Variants in AXIN2 observed in about 807,000 individuals in gnomAD.
AXIN2 encodes the protein axin 2.
Under a neutral mutation model 74.7 loss-of-function variants are expected in AXIN2, and 21 were observed. The observed-to-expected ratio is 0.28, with a 90% CI of 0.20 to 0.40. The LOEUF (loss-of-function observed/expected upper bound fraction) is 0.40, where lower values mean the gene tolerates loss of function less well. AXIN2 is among the 10% of genes least tolerant of loss of function. AXIN2 has a pLI of 1.00. For synonymous variants in AXIN2, 532 were observed against 454.9 expected (o/e 1.17, Z -2.16); for missense variants, 1,144 against 1,111.1 (o/e 1.03, Z -0.42).
intron 9 of AXIN2, 63 bp downstream of exon 9, chr17:65,535,563 A>C: frequency 7.4e-6 from 11 of 1,492,636 alleles, no homozygotes; most frequent in Non-Finnish European, 9.3e-6. Context: ...AACTCCAGAT[A>C]GCGAATATTC....
At chr17:65,559,111 T>TCCCTTCCCC (rs371278461) in intron 1 of AXIN2, among the ~76,000 whole-genome samples, 2 of 151,236 alleles carry the variant, frequency 1.3e-5, no homozygotes, top group East Asian at 3.9e-4. Context: ...TCGCCTTCCC[T>TCCCTTCCCC]CCCTTCCCCT....
At chr17:65,531,428 G>T (rs1371084903) in intron 10 of AXIN2, among the ~76,000 whole-genome samples, 1 of 151,966 alleles carries the variant, frequency 6.6e-6, no homozygotes, top group Non-Finnish European at 1.5e-5. Flanking sequence ...AATTCTCGGG[G>T]GAGCGTGAGA....
At chr17:65,555,334 G>A (rs949925760) in intron 2 of AXIN2, among the ~76,000 whole-genome samples, 2 of 152,168 alleles carry the variant, frequency 1.3e-5, no homozygotes, top group African/African-American at 2.4e-5. Context: ...GTGAGTGTGC[G>A]GGAGAGGGAA....
chr17:65,544,380 C>T (rs2044087744), intron 3 of AXIN2, among the ~76,000 whole-genome samples: 1 of 129,812 alleles, frequency 7.7e-6, no homozygotes. Context: ...CGCCCCCCAT[C>T]CCCCACCACC....
chr17:65,546,554 G>A (rs2044122051), intron 3 of AXIN2, among the ~76,000 whole-genome samples: 1 of 152,174 alleles, frequency 6.6e-6, no homozygotes, highest in Non-Finnish European at 1.5e-5. Context: ...CAAGTCTGGA[G>A]ACCCTTCTGA....
At chr17:65,534,903 C>G (rs2043882254) in intron 9 of AXIN2, among the ~76,000 whole-genome samples, 1 of 152,076 alleles carries the variant, frequency 6.6e-6, no homozygotes, top group Non-Finnish European at 1.5e-5. Flanking sequence ...GCACTCCAGC[C>G]TGGGCAACAG....
chr17:65,538,065 C>A, intron 5 of AXIN2, 138 bp downstream of exon 5: 1 of 1,492,774 alleles, frequency 6.7e-7, no homozygotes, highest in East Asian at 2.4e-5. Context: ...CCCAGGCACA[C>A]ACCCACACGC....
chr17:65,530,210 G>A lies in AXIN2; in HGVS notation c.2406-108C>T, dbSNP rs953336659. ...TGAGGTATCCTAGGAATTTGCTATGGCAGGTGTGCCTGTACACTGTTGCGC... is the reference window on the plus strand; with the variant it reads ...TGAGGTATCCTAGGAATTTGCTATGACAGGTGTGCCTGTACACTGTTGCGC... On this transcript the variant is annotated intron_variant, in intron 10 of 10. Coordinates refer to ENST00000307078, the MANE Select transcript of AXIN2 (RefSeq NM_004655.4). The A allele has an allele frequency of 2.7e-6, 4 of 1,473,096 alleles. No individual in the cohort carries two copies. The African/African-American group carries it at 5.5e-5, about 20-fold the overall frequency. The allele number at this position is 1,473,096 out of a possible 1,614,324, so 91.3% of individuals were successfully genotyped here.
chr17:65,539,989 C>T (rs771142139), intron 4 of AXIN2, among the ~76,000 whole-genome samples: 6 of 152,214 alleles, frequency 3.9e-5, no homozygotes, highest in Non-Finnish European at 5.9e-5. Context: ...CCATCTCAGT[C>T]ACAGGAAGAA....
rs566290900 is a variant in AXIN2, at chr17:65,538,084, C to A, written c.1200+119G>T. The A allele has an allele frequency of 4.5e-6, 7 of 1,551,932 alleles. No individual in the cohort carries two copies. In the East Asian group the frequency reaches 1.6e-4, roughly 36 times the overall value. On this transcript the variant is annotated intron_variant, in intron 5 of 10. Coordinates refer to ENST00000307078, the MANE Select transcript of AXIN2 (RefSeq NM_004655.4). ...GGCACACACCCACACGCAGCCCACG[C>A]GCATGCGCATGCAACCCACGCACAT...
chr17:65,550,873 G>A (rs558635203), intron 2 of AXIN2, among the ~76,000 whole-genome samples: 78 of 152,260 alleles, frequency 5.1e-4, no homozygotes, highest in Admixed American at 7.2e-4. Context: ...TACTGTGGGG[G>A]TGTCATGAGG....
intron 4 of AXIN2, among the ~76,000 whole-genome samples, chr17:65,538,852 T>C (rs1394835334): frequency 6.6e-6 from 1 of 152,074 alleles, no homozygotes; most frequent in African/African-American, 2.4e-5. Context: ...TCAAACGGCC[T>C]GGATCAGAGA....
chr17:65,533,494 T>C (rs1443164663), intron 10 of AXIN2, among the ~76,000 whole-genome samples: 1 of 152,166 alleles, frequency 6.6e-6, no homozygotes, highest in Non-Finnish European at 1.5e-5. Context: ...AGGGCGGCGC[T>C]TCCAGACCCT....
At chr17:65,555,563 T>C (rs999591362) in intron 2 of AXIN2, among the ~76,000 whole-genome samples, 1 of 152,178 alleles carries the variant, frequency 6.6e-6, no homozygotes, top group African/African-American at 2.4e-5. Flanking sequence ...ATTATAACAC[T>C]TTGCGGCGGT....
At chr17:65,539,278 G>C (rs190775086) in intron 4 of AXIN2, among the ~76,000 whole-genome samples, 182 of 151,682 alleles carry the variant, frequency 1.2e-3, no homozygotes, top group Admixed American at 2.7e-3. Flanking sequence ...GTAGCAGAAA[G>C]CTAACTTGCA....
chr17:65,536,661 T>TAAAA, intron 7 of AXIN2, 108 bp from the exon 8 acceptor site: 3 of 1,219,464 alleles, frequency 2.5e-6, no homozygotes, highest in Non-Finnish European at 3.5e-6. Flanking sequence ...GAGAGAGAGT[T>TAAAA]AAAAAAAAAA....
chr17:65,531,628 C>A (rs767322460), intron 10 of AXIN2, among the ~76,000 whole-genome samples: 4 of 152,116 alleles, frequency 2.6e-5, no homozygotes, highest in Non-Finnish European at 5.9e-5. Flanking sequence ...AAACACGCAG[C>A]GACCTTTTAC....
rs1322898933 is a variant in AXIN2 at position 65,534,060 on chromosome 17, G to A, written c.2257C>T (p.Leu753=). The change falls in exon 10 of 11, where the codon CTG becomes TTG. Residue 753 remains leucine, a synonymous_variant. Transcript: ENST00000307078. ...APEDHKEPKK[L]AGVHALQASE... ...GCCTGGAGCGCGTGGACACCTGCCA[G>A]TTTCTTTGGCTCTTTGTGACTGAAA... 1.2e-6 allele frequency: 2 copies of A among 1,614,142 alleles called. No homozygotes were observed. Among genetic ancestry groups the A allele is most frequent in the South Asian group, 1.1e-5 (1 of 91,086 alleles).
At position 65,536,509 on chromosome 17, in the gene AXIN2, G is replaced by A. The variant is rs74006838; in HGVS notation, c.1952C>T (p.Ser651Leu). The part of the protein sequence containing the change: ...KKAYPLESAR[S>L]SPGERASRHH... ...CCGGCTGGCTCGTTCGCCTGGAGACGAGCGGGCAGACTCCAAGGGGTAGGC... is the reference window on the plus strand; with the variant it reads ...CCGGCTGGCTCGTTCGCCTGGAGACAAGCGGGCAGACTCCAAGGGGTAGGC... The change falls in exon 8 of 11, where the codon TCG becomes TTG. Residue 651 changes from serine (S) to leucine (L), a missense_variant. Ser to Leu is a moderately radical substitution (Grantham distance 145, BLOSUM62 -2). Around this residue, in one of 4 missense-constraint regions of AXIN2, gnomAD observed 1,053 missense variants for 973.5 expected, o/e 1.08. Coordinates refer to ENST00000307078, the MANE Select transcript of AXIN2 (RefSeq NM_004655.4). The A allele has an allele frequency of 2.1e-4, 339 of 1,613,842 alleles. No homozygotes were observed. In the African/African-American group the frequency reaches 3.8e-3, roughly 18 times the overall value.
Sources: allele counts gnomAD v4.1 joint callset (sites outside exome capture counted in the v4.1 genomes callset), GRCh38; gene constraint gnomAD v4.1.1; regional missense constraint gnomAD v4.1.1; transcripts MANE v1.5; gene names NCBI Gene and HGNC (gene_info 2026-07-23, HGNC 2026-07-21).